Variants in ECD observed in about 807,000 individuals in gnomAD.
The protein encoded by ECD is ecdysoneless cell cycle regulator.
Under a neutral mutation model 77.2 loss-of-function variants are expected in ECD, and 59 were observed. That is an observed-to-expected ratio of 0.76 (90% CI 0.62 to 0.95). The LOEUF is 0.95. ECD is among the 40% of genes least tolerant of loss of function. The probability of loss-of-function intolerance (pLI) is 0.00; values close to 1 mark genes in which losing one functional copy is unlikely to be tolerated. For missense variants in ECD, 704 were observed against 763.4 expected, an observed-to-expected ratio of 0.92 and a Z score of 0.92; for synonymous variants, 233 against 267.4, an observed-to-expected ratio of 0.87 and a Z score of 1.26.
At chr10:73,155,090 C>A (rs1032410327) in intron 5 of ECD, among the ~76,000 whole-genome samples, 3 of 151,948 alleles carry the variant, frequency 2.0e-5, no homozygotes, top group African/African-American at 7.3e-5. Context: ...CGCTCTGTCG[C>A]CAGGCTGGAG....
intron 12 of ECD, among the ~76,000 whole-genome samples, chr10:73,137,206 AAAT>A (rs1346099616): frequency 1.3e-5 from 2 of 152,040 alleles, no homozygotes; most frequent in Non-Finnish European, 2.9e-5. Flanking sequence ...AAATTTTTAA[AAAT>A]ACCTAATAAA....
chr10:73,164,729 C>T (rs1843429443), intron 1 of ECD, among the ~76,000 whole-genome samples: 1 of 152,142 alleles, frequency 6.6e-6, no homozygotes, highest in African/African-American at 2.4e-5. Context: ...CCTTGGTCTC[C>T]CAAAGTGCTG....
At chr10:73,148,459 T>TTA in intron 7 of ECD, 55 bp from the exon 8 acceptor site, 1 of 1,576,138 alleles carries the variant, frequency 6.3e-7, no homozygotes, top group Non-Finnish European at 8.6e-7. Flanking sequence ...CCGTATCTTA[T>TTA]TATAACACAT....
In ECD at chr10:73,139,676, T is replaced by C. The variant is rs567071975; in HGVS notation, c.1189A>G (p.Ile397Val). The C allele has an allele frequency of 6.7e-5, 108 of 1,612,440 alleles. 1 individual carries two copies. The South Asian group carries it at 1.1e-3, about 17-fold the overall frequency. Residue 397 changes from isoleucine to valine, a missense_variant, in exon 10 of 14, where the codon ATA (isoleucine) becomes GTA (valine). This residue lies in a region of ECD where 559 missense variants were observed against 583.7 expected (regional missense o/e 0.96). Transcript: ENST00000372979. ...LTLLQTIPFD[I>V]EDLKKEAANL... ...GCTGCTTCTTTCTTAAGGTCTTCTA[T>C]ATCAAATGGTATTGTCTGTAATAAG...
At chr10:73,142,270 A>T (rs12572268) in intron 9 of ECD, among the ~76,000 whole-genome samples, 15,934 of 151,904 alleles carry the variant, frequency 0.1, 1,230 homozygotes, top group East Asian at 0.3. Flanking sequence ...CGGTCTCCCA[A>T]AGTGCTGGGA....
chr10:73,150,756 C>T (rs1487997331), intron 7 of ECD, among the ~76,000 whole-genome samples: 1 of 152,124 alleles, frequency 6.6e-6, no homozygotes, highest in East Asian at 1.9e-4. Context: ...TTTATGCAGC[C>T]AAAAGACACA....
At position 73,156,653 on chromosome 10, in the gene ECD, A is replaced by G. The variant is rs1316997294; in HGVS notation, c.326T>C (p.Ile109Thr). The G allele has an allele frequency of 6.2e-7, 1 of 1,612,858 alleles. No homozygotes were observed. The highest frequency in any genetic ancestry group is 1.3e-5 in the African/African-American group (1 of 74,922). Residue 109 changes from isoleucine (I) to threonine (T), a missense_variant and splice_region_variant, in exon 4 of 14, where the codon ATT becomes ACT. Around this residue, in one of 3 missense-constraint regions of ECD, gnomAD observed 559 missense variants for 583.7 expected, o/e 0.96. Coordinates refer to ENST00000372979, the MANE Select transcript of ECD (RefSeq NM_007265.3). ...CAAGAATTCACCATCATTGTCTTCA[A>G]TCCTAATGCAAGAAAATTTCCAATT... ...TKEFPELVAR[I>T]EDNDGEFLLI...
chr10:73,152,450 T>TA (rs1843225939), intron 6 of ECD, 29 bp from the exon 7 acceptor site: 1 of 1,598,356 alleles, frequency 6.3e-7, no homozygotes, highest in South Asian at 1.1e-5. Flanking sequence ...AATACATGAG[T>TA]CTTTTCCTGA....
At chr10:73,148,178 T>G in intron 8 of ECD, 98 bp downstream of exon 8, 1 of 1,440,432 alleles carries the variant, frequency 6.9e-7, no homozygotes, top group Non-Finnish European at 9.3e-7. Context: ...GCTTCCATAA[T>G]TATGTCATAC....
At chr10:73,162,522 T>C (rs1843393853) in intron 2 of ECD, among the ~76,000 whole-genome samples, 1 of 152,214 alleles carries the variant, frequency 6.6e-6, no homozygotes, top group South Asian at 2.1e-4. Flanking sequence ...ATCATATGTA[T>C]TTCAATGAAT....
intron 5 of ECD, among the ~76,000 whole-genome samples, chr10:73,155,226 C>A (rs1843280073): frequency 6.6e-6 from 1 of 151,808 alleles, no homozygotes; most frequent in Admixed American, 6.6e-5. Flanking sequence ...GCCACCACGC[C>A]CGGCTAATTT....
At chr10:73,148,911 T>C (rs1386327527) in intron 7 of ECD, among the ~76,000 whole-genome samples, 1 of 152,206 alleles carries the variant, frequency 6.6e-6, no homozygotes, top group Non-Finnish European at 1.5e-5. Flanking sequence ...TACCAACTTC[T>C]TGCACATCCT....
intron 7 of ECD, 118 bp from the exon 8 acceptor site, chr10:73,148,522 C>T (rs1472817119): frequency 3.7e-6 from 4 of 1,074,000 alleles, no homozygotes; most frequent in Non-Finnish European, 5.1e-6. Flanking sequence ...GATACATGGG[C>T]ATTTGGACAA....
chr10:73,138,321 T>A (rs1365774277), intron 11 of ECD, among the ~76,000 whole-genome samples: 2 of 152,232 alleles, frequency 1.3e-5, no homozygotes, highest in East Asian at 3.8e-4. Flanking sequence ...TATGCTGATT[T>A]AGGGACCTAC....
chr10:73,137,310 C>T (rs1241304633), intron 12 of ECD, among the ~76,000 whole-genome samples: 4 of 152,066 alleles, frequency 2.6e-5, no homozygotes, highest in Non-Finnish European at 5.9e-5. Flanking sequence ...TAGCAGTTTC[C>T]GGGTATCCCA....
chr10:73,142,245 G>A (rs1843067172), intron 9 of ECD, among the ~76,000 whole-genome samples: 1 of 151,986 alleles, frequency 6.6e-6, no homozygotes, highest in Non-Finnish European at 1.5e-5. Context: ...CTGACCTCAG[G>A]TGATTCACCC....
intron 9 of ECD, among the ~76,000 whole-genome samples, chr10:73,142,168 C>T (rs547053131): frequency 6.6e-5 from 10 of 151,860 alleles, no homozygotes; most frequent in Non-Finnish European, 1.0e-4. Flanking sequence ...CCACCTCATC[C>T]GGCTAATTTT....
Position 73,163,771 on chromosome 10 carries a change from T to C in ECD, c.167A>G (p.Gln56Arg). Residue 56 changes from glutamine to arginine, a missense_variant, in exon 2 of 14, where the codon CAG becomes CGG. By Grantham distance (43) the Gln-to-Arg change is conservative (BLOSUM62 1). Coordinates refer to ENST00000372979, the MANE Select transcript of ECD (RefSeq NM_007265.3). ...ATATTTAAGATTGAAAGGCTGATTC[T>C]GCCAGATGTAGGGGACCAGCATAGG... is the stretch of plus-strand genomic sequence containing the variant. ...FAPMLVPYIW[Q>R]NQPFNLKYKP... 2 of 1,614,190 alleles carry C rather than the reference T, an allele frequency of 1.2e-6. No individual in the cohort carries two copies. The highest frequency in any genetic ancestry group is 8.5e-7 in the Non-Finnish European group (1 of 1,180,032).
intron 2 of ECD, 92 bp from the exon 3 acceptor site, chr10:73,160,643 G>C (rs1843363686): frequency 2.2e-6 from 2 of 911,574 alleles, no homozygotes; most frequent in Middle Eastern, 2.3e-4. Context: ...CACATTCATT[G>C]ACTGATTGCT....
Sources: allele counts gnomAD v4.1 joint callset (sites outside exome capture counted in the v4.1 genomes callset), GRCh38; gene constraint gnomAD v4.1.1; regional missense constraint gnomAD v4.1.1; transcripts MANE v1.5; gene names NCBI Gene and HGNC (gene_info 2026-07-23, HGNC 2026-07-21).